CLEC1A: variants seen among roughly 807,000 people sequenced by gnomAD.
The protein encoded by CLEC1A is C-type lectin domain family 1 member A.
CLEC1A carries 34 observed loss-of-function variants against 28.7 expected under a neutral mutation model. The ratio of observed to expected loss-of-function variants is 1.18; its 90% CI spans 0.90 to 1.57. CLEC1A has a LOEUF of 1.57. Among genes scored for constraint, CLEC1A ranks in the 40% most tolerant of loss-of-function variants. The pLI, the probability that CLEC1A is intolerant of heterozygous loss-of-function variation, is 0.00. For synonymous variants in CLEC1A, 116 were observed against 121.0 expected (o/e 0.96, Z 0.27); for missense variants, 385 against 339.5 (o/e 1.13, Z -1.05).
chr12:10,083,428 C>G (rs139721364), intron 2 of CLEC1A, among the ~76,000 whole-genome samples: 191 of 152,318 alleles, frequency 1.3e-3, no homozygotes, highest in Middle Eastern at 6.8e-3. Flanking sequence ...CAAGGAGATA[C>G]CAGAGAAAAG....
At chr12:10,072,746 C>T (rs1011577341) in intron 5 of CLEC1A, among the ~76,000 whole-genome samples, 2 of 152,050 alleles carry the variant, frequency 1.3e-5, no homozygotes, top group African/African-American at 2.4e-5. Flanking sequence ...TTTACTAATG[C>T]TATGTATCTG....
At chr12:10,078,441 T>C (rs893542111) in intron 3 of CLEC1A, among the ~76,000 whole-genome samples, 2 of 152,202 alleles carry the variant, frequency 1.3e-5, no homozygotes, top group African/African-American at 4.8e-5. Flanking sequence ...CATGGCTAAC[T>C]CCCTCAACTT....
intron 2 of CLEC1A, among the ~76,000 whole-genome samples, chr12:10,087,472 TTATATATATA>T (rs200437169): frequency 0.051 from 3,794 of 75,100 alleles, 161 homozygotes; most frequent in Non-Finnish European, 0.06. Flanking sequence ...TACCTCAAAG[TTATATATATA>T]TATATATATA....
At position 10,084,821 on chromosome 12, in the gene CLEC1A, CAAAAAAAAAAA is replaced by C. The variant is rs57574014; in HGVS notation, c.215-3419_215-3409del. On this transcript the variant is annotated intron_variant, in intron 2 of 5. Coordinates refer to ENST00000315330, the MANE Select transcript of CLEC1A (RefSeq NM_016511.4). Reference sequence around the variant, plus strand: ...TAGGCGACAGAGTGAGACTCTGTATCAAAAAAAAAAAAAAAAAAAAAAGAAAAGAAAATGTT... The same window carrying C: ...TAGGCGACAGAGTGAGACTCTGTATCAAAAAAAAAAAGAAAAGAAAATGTT... 6.0e-5 allele frequency among the ~76,000 whole-genome samples: 5 copies of C among 83,738 alleles called. No individual in the cohort carries two copies. In the Admixed American group the frequency reaches 6.4e-4, roughly 11 times the overall value. 54.9% of individuals were successfully genotyped at this position (83,738 alleles called of 152,430 possible).
intron 2 of CLEC1A, among the ~76,000 whole-genome samples, 186 bp downstream of exon 2, chr12:10,088,938 A>G (rs1321728384): frequency 1.1e-5 from 1 of 90,016 alleles, no homozygotes; most frequent in Non-Finnish European, 3.4e-5. Flanking sequence ...CTAGTTGGCA[A>G]CTGATTTTTT....
At chr12:10,089,645 A>G (rs964984354) in intron 1 of CLEC1A, among the ~76,000 whole-genome samples, 2 of 152,008 alleles carry the variant, frequency 1.3e-5, no homozygotes, top group African/African-American at 4.8e-5. Flanking sequence ...AGATGAAATT[A>G]ATTTGTTGTT....
chr12:10,084,711 A>G (rs1028805273), intron 2 of CLEC1A, among the ~76,000 whole-genome samples: 7 of 150,818 alleles, frequency 4.6e-5, no homozygotes, highest in Non-Finnish European at 4.4e-5. Flanking sequence ...AGTCCCAGCT[A>G]CTCAGAATGC....
chr12:10,071,743 A>T (rs1238402883), intron 5 of CLEC1A, among the ~76,000 whole-genome samples: 1 of 152,210 alleles, frequency 6.6e-6, no homozygotes, highest in Non-Finnish European at 1.5e-5. Flanking sequence ...AAGCGAAGCT[A>T]CGTGTTCTCC....
At position 10,073,367 on chromosome 12, in the gene CLEC1A, A is replaced by T. The variant is rs1372537237; in HGVS notation, c.588T>A (p.Tyr196Ter). 1 of 1,613,978 alleles carries T rather than the reference A, an allele frequency of 6.2e-7. No individual in the cohort carries two copies. Among genetic ancestry groups the T allele is most frequent in the African/African-American group, 1.3e-5 (1 of 74,930 alleles). The change falls in exon 5 of 6, where the codon TAT becomes TAA. Residue 196 changes from tyrosine to a stop codon, truncating the protein, a stop_gained. Transcript: ENST00000315330. LOFTEE classifies it high-confidence loss of function. ...SQSYSEFFYS[Y>*]WTGLLRPDSG... ...TGTCAGGGCGCAAAAGCCCTGTCCAATAAGAGTAGAAAAACTCAGAGTAGC... is the reference window on the plus strand; with the variant it reads ...TGTCAGGGCGCAAAAGCCCTGTCCATTAAGAGTAGAAAAACTCAGAGTAGC...
At chr12:10,081,959 T>C (rs1866380665) in intron 2 of CLEC1A, among the ~76,000 whole-genome samples, 1 of 151,884 alleles carries the variant, frequency 6.6e-6, no homozygotes, top group African/African-American at 2.4e-5. Flanking sequence ...ATGCAAAATA[T>C]AAAAGTAGAA....
Position 10,098,845 on chromosome 12 carries a change from G to A in CLEC1A, c.78C>T (p.Gly26=). 5 of 1,613,606 alleles carry A rather than the reference G, an allele frequency of 3.1e-6. No individual in the cohort carries two copies. Among genetic ancestry groups the A allele is most frequent in the Non-Finnish European group, 4.2e-6 (5 of 1,179,774 alleles). Residue 26 remains glycine (G), a synonymous_variant, in exon 1 of 6, where the codon GGC becomes GGT. Transcript: ENST00000315330. ...GCTCTGGATGCCGAGTTGTGGCAGAGCCTTGAGAATGCAGGCTCATGGTGG... is the reference window on the plus strand; with the variant it reads ...GCTCTGGATGCCGAGTTGTGGCAGAACCTTGAGAATGCAGGCTCATGGTGG... ...GDTTMSLHSQ[G]SATTRHPEPR...
At chr12:10,075,249 TA>T (rs1292050722) in intron 4 of CLEC1A, among the ~76,000 whole-genome samples, 4 of 152,350 alleles carry the variant, frequency 2.6e-5, no homozygotes, top group African/African-American at 9.6e-5. Flanking sequence ...TAAGACATTC[TA>T]ACTTTGTTCC....
At chr12:10,082,776 T>A (rs1866399044) in intron 2 of CLEC1A, among the ~76,000 whole-genome samples, 1 of 152,140 alleles carries the variant, frequency 6.6e-6, no homozygotes, top group Non-Finnish European at 1.5e-5. Flanking sequence ...CAAGACAGAA[T>A]AACCCTGCTC....
chr12:10,084,689 G>T (rs56018947), intron 2 of CLEC1A, among the ~76,000 whole-genome samples: 11,883 of 151,778 alleles, frequency 0.078, 561 homozygotes, highest in African/African-American at 0.096. Context: ...AGGCGTGGTG[G>T]CAGGCGCCTG....
intron 1 of CLEC1A, among the ~76,000 whole-genome samples, chr12:10,097,823 A>C (rs1947797351): frequency 7.0e-6 from 1 of 142,890 alleles, no homozygotes; most frequent in Non-Finnish European, 1.5e-5. Context: ...CTGTGGCTAC[A>C]AAAGCTGACA....
intron 1 of CLEC1A, among the ~76,000 whole-genome samples, chr12:10,090,209 G>C (rs1285563816): frequency 6.6e-6 from 1 of 152,176 alleles, no homozygotes; most frequent in Non-Finnish European, 1.5e-5. Flanking sequence ...AAAGATTAAA[G>C]AGATCGGAGG....
intron 1 of CLEC1A, among the ~76,000 whole-genome samples, chr12:10,089,536 A>G (rs1238987277): frequency 6.6e-6 from 1 of 151,992 alleles, no homozygotes; most frequent in Non-Finnish European, 1.5e-5. Context: ...TCTGCTTGTC[A>G]AAATTCTAAT....
chr12:10,072,564 G>A (rs1196689973), intron 5 of CLEC1A, among the ~76,000 whole-genome samples: 2 of 151,858 alleles, frequency 1.3e-5, no homozygotes, highest in Non-Finnish European at 2.9e-5. Flanking sequence ...GTACTGACAA[G>A]TTGTGTGACT....
At chr12:10,077,640 T>A (rs566267584) in intron 3 of CLEC1A, among the ~76,000 whole-genome samples, 36 of 152,332 alleles carry the variant, frequency 2.4e-4, no homozygotes, top group African/African-American at 8.2e-4. Flanking sequence ...TAAATGTTTA[T>A]AGATATTTAG....
Sources: allele counts gnomAD v4.1 joint callset (sites outside exome capture counted in the v4.1 genomes callset), GRCh38; gene constraint gnomAD v4.1.1; transcripts MANE v1.5; gene names NCBI Gene and HGNC (gene_info 2026-07-23, HGNC 2026-07-21).